The following CHRNA7 variants were observed in gnomAD, a reference collection of about 807,000 sequenced individuals.
The protein encoded by CHRNA7 is cholinergic receptor nicotinic alpha 7 subunit.
CHRNA7 carries 17 observed loss-of-function variants against 48.0 expected under a neutral mutation model. That is an observed-to-expected ratio of 0.35 (90% CI 0.24 to 0.53). The LOEUF is 0.53. CHRNA7 is among the 20% of genes least tolerant of loss of function. The pLI is 0.92. For synonymous variants in CHRNA7, 75 were observed against 242.3 expected, an observed-to-expected ratio of 0.31 and a Z score of 6.41; for missense variants, 155 against 577.7, an observed-to-expected ratio of 0.27 and a Z score of 7.50.
At chr15:32,094,606 T>C (rs1411141722) in intron 2 of CHRNA7, among the ~76,000 whole-genome samples, 1 of 152,212 alleles carries the variant, frequency 6.6e-6, no homozygotes, top group African/African-American at 2.4e-5. Context: ...AGGAACTTTT[T>C]TCCGATAATT....
chr15:32,099,075 T>A (rs2050525443), intron 2 of CHRNA7: 1 of 152,272 alleles, frequency 6.6e-6, no homozygotes, highest in South Asian at 2.1e-4. Context: ...CTCAAGATTC[T>A]TGACTTGATC....
At chr15:32,048,257 C>T (rs1040002487) in intron 2 of CHRNA7, among the ~76,000 whole-genome samples, 6 of 152,178 alleles carry the variant, frequency 3.9e-5, no homozygotes, top group Admixed American at 6.5e-5. Context: ...ACCAGTTCCT[C>T]CTTGTACCTC....
chr15:32,129,748 ACTTC>A (rs1392193687), intron 4 of CHRNA7, among the ~76,000 whole-genome samples: 5 of 148,322 alleles, frequency 3.4e-5, no homozygotes, highest in Non-Finnish European at 1.5e-5. Flanking sequence ...TTTATTATTT[ACTTC>A]CTTCTACTTG....
intron 3 of CHRNA7, among the ~76,000 whole-genome samples, chr15:32,107,658 C>T (rs1367844591): frequency 6.6e-6 from 1 of 152,120 alleles, no homozygotes; most frequent in Non-Finnish European, 1.5e-5. Context: ...GCGGACAGGG[C>T]GTCGTGGCCG....
intron 2 of CHRNA7, among the ~76,000 whole-genome samples, chr15:32,046,592 G>A (rs538371531): frequency 3.3e-5 from 5 of 152,100 alleles, no homozygotes; most frequent in Admixed American, 6.6e-5. Flanking sequence ...TGAGTAGGTC[G>A]CGAAAAGTTT....
chr15:32,034,462 C>T (rs1301440350), intron 2 of CHRNA7, among the ~76,000 whole-genome samples: 1 of 152,170 alleles, frequency 6.6e-6, no homozygotes, highest in African/African-American at 2.4e-5. Flanking sequence ...TCTAGAAGCA[C>T]ACCTTACAAG....
chr15:32,132,004 G>A (rs978644202), intron 4 of CHRNA7, among the ~76,000 whole-genome samples: 4 of 152,186 alleles, frequency 2.6e-5, no homozygotes, highest in African/African-American at 9.7e-5. Flanking sequence ...GGGTCAAGAT[G>A]AGGTCACTGC....
chr15:32,069,747 TGCTTGTGTC>T (rs1806881110), intron 2 of CHRNA7, among the ~76,000 whole-genome samples: 1 of 152,244 alleles, frequency 6.6e-6, no homozygotes. Flanking sequence ...TAAGTATAAA[TGCTTGTGTC>T]CAAACCTTCT....
intron 3 of CHRNA7, among the ~76,000 whole-genome samples, chr15:32,103,568 A>G (rs369120483): frequency 9.2e-5 from 14 of 152,316 alleles, no homozygotes; most frequent in South Asian, 6.2e-4. Context: ...TTAAAGCAGC[A>G]TACTTCAGTG....
chr15:32,132,567 G>C (rs1304533861), intron 4 of CHRNA7, among the ~76,000 whole-genome samples: 1 of 152,184 alleles, frequency 6.6e-6, no homozygotes, highest in South Asian at 2.1e-4. Flanking sequence ...GAGCTGAGAA[G>C]TTCAAGATCA....
intron 4 of CHRNA7, among the ~76,000 whole-genome samples, chr15:32,133,759 A>G (rs2051196532): frequency 6.6e-6 from 1 of 152,206 alleles, no homozygotes; most frequent in African/African-American, 2.4e-5. Context: ...AGGAAATTCC[A>G]GCACCAATTG....
At chr15:32,047,601 A>G (rs1169066950) in intron 2 of CHRNA7, among the ~76,000 whole-genome samples, 2 of 152,104 alleles carry the variant, frequency 1.3e-5, no homozygotes, top group African/African-American at 4.8e-5. Flanking sequence ...TAGATATACA[A>G]TCATGTCATC....
intron 4 of CHRNA7, among the ~76,000 whole-genome samples, chr15:32,139,516 C>T (rs566155651): frequency 2.6e-4 from 39 of 152,202 alleles, no homozygotes; most frequent in Middle Eastern, 3.4e-3. Context: ...TGCATCCTTG[C>T]CAGCATTTGG....
At chr15:32,114,191 TG>T (rs2050828781) in intron 4 of CHRNA7, among the ~76,000 whole-genome samples, 1 of 150,896 alleles carries the variant, frequency 6.6e-6, no homozygotes, top group South Asian at 2.1e-4. Context: ...TATAACATGT[TG>T]GTGGAATCTT....
intron 3 of CHRNA7, among the ~76,000 whole-genome samples, chr15:32,104,436 A>C (rs1668992194): frequency 6.6e-6 from 1 of 150,810 alleles, no homozygotes; most frequent in African/African-American, 2.4e-5. Flanking sequence ...CCTCCCCTCC[A>C]CCTCCAGCCC....
intron 2 of CHRNA7, among the ~76,000 whole-genome samples, chr15:32,041,807 C>G (rs1390743095): frequency 6.6e-6 from 1 of 152,126 alleles, no homozygotes; most frequent in Non-Finnish European, 1.5e-5. Flanking sequence ...CAAATATATT[C>G]TTTATTTTTG....
intron 4 of CHRNA7, among the ~76,000 whole-genome samples, chr15:32,120,319 G>A (rs540029758): frequency 2.6e-5 from 4 of 152,218 alleles, no homozygotes; most frequent in South Asian, 4.1e-4. Flanking sequence ...CTCCCTCTGA[G>A]CTGGCTCCAC....
intron 2 of CHRNA7, among the ~76,000 whole-genome samples, chr15:32,041,011 T>TCTTTTTGCTTG (rs548554494): frequency 1.1e-3 from 167 of 152,292 alleles, no homozygotes; most frequent in African/African-American, 3.9e-3. Flanking sequence ...TTCATGTAAG[T>TCTTTTTGCTTG]CAGATGTAAT....
intron 2 of CHRNA7, among the ~76,000 whole-genome samples, chr15:32,069,099 A>C (rs1237417283): frequency 6.6e-6 from 1 of 152,204 alleles, no homozygotes; most frequent in African/African-American, 2.4e-5. Flanking sequence ...TAGACTTAAT[A>C]ATAGAGTTAA....
Sources: gnomAD v4.1 joint callset for allele counts (sites outside exome capture counted in the v4.1 genomes callset) on GRCh38, gnomAD v4.1.1 for gene constraint, MANE v1.5 for transcripts, NCBI Gene and HGNC (gene_info 2026-07-23, HGNC 2026-07-21) for gene names.